The following SPOPL variants were observed in gnomAD, a reference collection of about 807,000 sequenced individuals.
SPOPL encodes the protein speckle type BTB/POZ protein like.
In SPOPL, 23 loss-of-function variants were observed where a neutral mutation model predicts 53.8. The ratio of observed to expected loss-of-function variants is 0.43; its 90% confidence interval spans 0.31 to 0.61. The LOEUF is 0.61. Ranked by LOEUF, SPOPL falls within the 20% of genes least tolerant of loss-of-function variation. The pLI is 0.12. For missense variants in SPOPL, 442 were observed against 466.9 expected (o/e 0.95, Z 0.49); for synonymous variants, 164 against 149.7 (o/e 1.10, Z -0.70).
chr2:138,527,112 T>C (rs1684693273), intron 1 of SPOPL, among the ~76,000 whole-genome samples: 1 of 152,212 alleles, frequency 6.6e-6, no homozygotes, highest in Admixed American at 6.5e-5. Flanking sequence ...TAGTCTGACT[T>C]GTTCCTTTGT....
At chr2:138,517,089 T>G (rs1684455178) in intron 1 of SPOPL, among the ~76,000 whole-genome samples, 1 of 152,206 alleles carries the variant, frequency 6.6e-6, no homozygotes, top group African/African-American at 2.4e-5. Flanking sequence ...TTAACACAAT[T>G]ATATTTTCAA....
chr2:138,546,543 A>AT (rs1160477531), intron 1 of SPOPL, among the ~76,000 whole-genome samples: 1 of 152,194 alleles, frequency 6.6e-6, no homozygotes, highest in African/African-American at 2.4e-5. Context: ...TTGTTCTAAT[A>AT]TTCATTCAAC....
Position 138,564,733 on chromosome 2 carries a change from T to A in SPOPL, c.863T>A (p.Met288Lys), listed in dbSNP as rs1383208884. The change falls in exon 9 of 11, where the codon ATG becomes AAG. Residue 288 changes from methionine (M) to lysine (K), a missense_variant. Physicochemically the swap from Met to Lys is moderately conservative, Grantham distance 95. Transcript: ENST00000280098. ...DKYALERLKV[M>K]CEEALCSNLS... ...TATGCACTGGAACGGCTGAAGGTCA[T>A]GTGCGAAGAAGCTTTGTGTAGTAAC... is the stretch of plus-strand genomic sequence containing the variant. 2 of 1,614,056 alleles carry A rather than the reference T, an allele frequency of 1.2e-6. No individual in the cohort carries two copies. The highest frequency in any genetic ancestry group is 1.7e-6 in the Non-Finnish European group (2 of 1,180,022).
intron 7 of SPOPL, among the ~76,000 whole-genome samples, chr2:138,559,579 G>A (rs1034266551): frequency 3.3e-5 from 5 of 152,080 alleles, no homozygotes; most frequent in African/African-American, 1.2e-4. Context: ...TTGGATAGTT[G>A]TTATCCAAAA....
chr2:138,522,495 G>T (rs56780647), intron 1 of SPOPL, among the ~76,000 whole-genome samples: 3 of 151,858 alleles, frequency 2.0e-5, no homozygotes, highest in Non-Finnish European at 2.9e-5. Context: ...TATTACCAAC[G>T]CCAGTTACTT....
At chr2:138,529,863 A>C (rs1019969348) in intron 1 of SPOPL, among the ~76,000 whole-genome samples, 1 of 152,172 alleles carries the variant, frequency 6.6e-6, no homozygotes, top group African/African-American at 2.4e-5. Context: ...CAGGTTTGTT[A>C]TATAGGTAAA....
chr2:138,538,897 ACT>A (rs1387135752), intron 1 of SPOPL, among the ~76,000 whole-genome samples: 2 of 145,840 alleles, frequency 1.4e-5, no homozygotes, highest in African/African-American at 2.5e-5. Flanking sequence ...ATCCCTCCCC[ACT>A]CTCCCCACCC....
At chr2:138,503,949 T>C (rs1414732896) in intron 1 of SPOPL, among the ~76,000 whole-genome samples, 2 of 152,236 alleles carry the variant, frequency 1.3e-5, no homozygotes, top group Admixed American at 6.5e-5. Flanking sequence ...CATGTCTTCT[T>C]GGCTTGGTGT....
At chr2:138,560,695 C>G in intron 7 of SPOPL, 110 bp from the exon 8 acceptor site, 1 of 1,200,476 alleles carries the variant, frequency 8.3e-7, no homozygotes, top group Non-Finnish European at 1.1e-6. Context: ...GAGTTATACA[C>G]TATTTTAGTG....
At chr2:138,551,429 G>C (rs1158751944) in intron 4 of SPOPL, among the ~76,000 whole-genome samples, 5 of 151,954 alleles carry the variant, frequency 3.3e-5, no homozygotes. Context: ...AGAACAATGA[G>C]AAAGAGATAG....
In SPOPL at chr2:138,550,497, A is replaced by C. The variant is rs141956233; in HGVS notation, c.93A>C (p.Lys31Asn). ...GAATCTCTTAGGTTAAAGTAGTAAAATTTTCCTATATGTGGACCATTAATA... is the reference window on the plus strand; with the variant it reads ...GAATCTCTTAGGTTAAAGTAGTAAACTTTTCCTATATGTGGACCATTAATA... ...SWCYTQVKVV[K>N]FSYMWTINNF... Residue 31 changes from lysine (K) to asparagine (N), a missense_variant, in exon 3 of 11, where the codon AAA (lysine) becomes AAC (asparagine). By Grantham distance (94) the Lys-to-Asn change is moderately conservative (BLOSUM62 0). Transcript: ENST00000280098. 187 of 1,607,328 alleles carry C rather than the reference A, an allele frequency of 1.2e-4. No homozygotes were observed. Among genetic ancestry groups the C allele is most frequent in the Non-Finnish European group, 1.5e-4 (180 of 1,176,016 alleles).
At chr2:138,517,479 G>A (rs939849220) in intron 1 of SPOPL, among the ~76,000 whole-genome samples, 4 of 152,128 alleles carry the variant, frequency 2.6e-5, no homozygotes, top group Non-Finnish European at 4.4e-5. Context: ...GGTGACTCAC[G>A]CCTGTAATCC....
intron 1 of SPOPL, among the ~76,000 whole-genome samples, chr2:138,525,413 A>G (rs999197696): frequency 8.5e-5 from 13 of 152,170 alleles, no homozygotes; most frequent in African/African-American, 2.7e-4. Context: ...GGGTGGTACA[A>G]GTGTTTCACA....
intron 1 of SPOPL, among the ~76,000 whole-genome samples, chr2:138,526,038 C>T (rs1188654375): frequency 2.0e-5 from 3 of 152,052 alleles, no homozygotes; most frequent in African/African-American, 7.2e-5. Flanking sequence ...AGTCTTGTTC[C>T]TTTCCTTACT....
At chr2:138,527,944 C>G (rs1573880043) in intron 1 of SPOPL, among the ~76,000 whole-genome samples, 1 of 152,258 alleles carries the variant, frequency 6.6e-6, no homozygotes, top group African/African-American at 2.4e-5. Context: ...TTACACATGT[C>G]AAAGTAAGGA....
At position 138,557,218 on chromosome 2, in the gene SPOPL, A is replaced by G. The variant is rs959757177; in HGVS notation, c.481-1804A>G. On this transcript the variant is annotated intron_variant, in intron 5 of 10. Transcript: ENST00000280098. Reference sequence around the variant, plus strand: ...GTCTTCCTTTGGTACAAGCCAGCACAGTGTGATTTGGAACACTTTGTTTAC... The same window carrying G: ...GTCTTCCTTTGGTACAAGCCAGCACGGTGTGATTTGGAACACTTTGTTTAC... Among the ~76,000 whole-genome samples the G allele has an allele frequency of 5.9e-5, 9 of 152,274 alleles. No homozygotes were observed. In the East Asian group the frequency reaches 1.7e-3, roughly 29 times the overall value.
At chr2:138,567,459 G>T (rs1489910699) in intron 10 of SPOPL, among the ~76,000 whole-genome samples, 1 of 149,560 alleles carries the variant, frequency 6.7e-6, no homozygotes, top group African/African-American at 2.5e-5. Context: ...TAGTTAATGA[G>T]AAGAAGCTGG....
At chr2:138,555,234 A>G (rs1283587537) in intron 5 of SPOPL, among the ~76,000 whole-genome samples, 1 of 151,940 alleles carries the variant, frequency 6.6e-6, no homozygotes, top group African/African-American at 2.4e-5. Flanking sequence ...TCATGAGGTT[A>G]GAGTCCTCAT....
rs1427160414 is a variant in SPOPL, at chr2:138,559,148, A to C, written c.607A>C (p.Ser203Arg). The change falls in exon 6 of 11, where the codon AGT becomes CGT. Residue 203 changes from serine to arginine, a missense_variant. Ser to Arg is a moderately radical substitution (Grantham distance 110, BLOSUM62 -1). Coordinates refer to ENST00000280098, the MANE Select transcript of SPOPL (RefSeq NM_001001664.3). ...GGAAAACACAAGATTTACAGACTGC[A>C]GTTTTTTCGTGAGAGGACAAGAATT... ...LWENTRFTDC[S>R]FFVRGQEFKA... 5 of 1,613,764 alleles carry C rather than the reference A, an allele frequency of 3.1e-6. No homozygotes were observed. The highest frequency in any genetic ancestry group is 4.2e-6 in the Non-Finnish European group (5 of 1,179,826).
Sources: allele counts gnomAD v4.1 joint callset (sites outside exome capture counted in the v4.1 genomes callset), GRCh38; gene constraint gnomAD v4.1.1; transcripts MANE v1.5; gene names NCBI Gene and HGNC (gene_info 2026-07-23, HGNC 2026-07-21).